Variants in DPY19L3 observed in about 807,000 individuals in gnomAD.
The protein encoded by DPY19L3 is dpy-19 like C-mannosyltransferase 3, also known as protein C-mannosyl-transferase DPY19L3.
Under a neutral mutation model 92.3 loss-of-function variants are expected in DPY19L3, and 51 were observed. That is an observed-to-expected ratio of 0.55 (90% CI 0.44 to 0.70). The LOEUF (loss-of-function observed/expected upper bound fraction) is 0.70, where lower values mean the gene tolerates loss of function less well. Among genes scored for constraint, DPY19L3 ranks in the 30% least tolerant of loss-of-function variants. The pLI, the probability that DPY19L3 is intolerant of heterozygous loss-of-function variation, is 0.00. For missense variants in DPY19L3, 706 were observed against 855.9 expected, an observed-to-expected ratio of 0.82 and a Z score of 2.18; for synonymous variants, 309 against 315.2, an observed-to-expected ratio of 0.98 and a Z score of 0.21.
chr19:32,441,050 G>A (rs1166679760), intron 8 of DPY19L3, among the ~76,000 whole-genome samples: 1 of 152,110 alleles, frequency 6.6e-6, no homozygotes, highest in Non-Finnish European at 1.5e-5. Context: ...CTCCTACACT[G>A]CTGGTAACCT....
chr19:32,469,749 C>G (rs993042359), intron 16 of DPY19L3, among the ~76,000 whole-genome samples: 1 of 152,152 alleles, frequency 6.6e-6, no homozygotes, highest in African/African-American at 2.4e-5. Flanking sequence ...CCTCAGCATT[C>G]AGCATCAGAA....
rs1970115841 is a variant in DPY19L3, at chr19:32,463,781, G to C, written c.1446-88G>C. 5.1e-6 allele frequency: 6 copies of C among 1,187,116 alleles called. No homozygotes were observed. In the South Asian group the frequency reaches 6.5e-5, roughly 13 times the overall value. 73.5% of individuals were successfully genotyped at this position (1,187,116 alleles called of 1,614,324 possible). ...TTTTAAGTAAGATTTTGCCGTCATA[G>C]ACTGTAAAGCTGCCTTTATAGGTGT... On this transcript the variant is annotated intron_variant, in intron 13 of 18. Transcript: ENST00000392250.
chr19:32,428,870 C>T (rs949927682), intron 3 of DPY19L3, among the ~76,000 whole-genome samples: 1 of 149,930 alleles, frequency 6.7e-6, no homozygotes, highest in African/African-American at 2.5e-5. Flanking sequence ...TGTTTTGAGA[C>T]GGAGTCTCAC....
chr19:32,468,498 G>A (rs770605238), intron 15 of DPY19L3: 120 of 1,177,600 alleles, frequency 1.0e-4, no homozygotes, highest in African/African-American at 4.0e-4. Context: ...TAAAGTTGGC[G>A]ATACCTCACA....
chr19:32,410,859 A>T (rs945328812), intron 2 of DPY19L3, among the ~76,000 whole-genome samples: 1 of 152,256 alleles, frequency 6.6e-6, no homozygotes, highest in Admixed American at 6.5e-5. Flanking sequence ...TTGTACCTAG[A>T]TTATCTAAAA....
chr19:32,466,266 G>A (rs1054183130), intron 15 of DPY19L3, among the ~76,000 whole-genome samples: 3 of 152,178 alleles, frequency 2.0e-5, no homozygotes, highest in African/African-American at 7.2e-5. Flanking sequence ...CAGCATCAGC[G>A]TCTCTTGGGA....
intron 6 of DPY19L3, among the ~76,000 whole-genome samples, chr19:32,438,591 A>T (rs551721538): frequency 2.2e-4 from 33 of 152,326 alleles, no homozygotes; most frequent in Admixed American, 1.6e-3. Context: ...ACATAAGTGT[A>T]TCATTTATTG....
In DPY19L3 at chr19:32,462,449, C is replaced by A. The variant is rs765942129; in HGVS notation, c.1323-917C>A. On this transcript the variant is annotated intron_variant, in intron 12 of 18. Transcript: ENST00000392250. The stretch of plus-strand genomic sequence containing the variant: ...CAGCAGTTTCCTCAATAACAAACCA[C>A]TGAAAGTGAATCCACCGATAAGAGG... 1.6e-4 allele frequency among the ~76,000 whole-genome samples: 25 copies of A among 152,272 alleles called. 2 individuals carry two copies. In the South Asian group the frequency reaches 3.5e-3, roughly 21 times the overall value.
intron 16 of DPY19L3, among the ~76,000 whole-genome samples, chr19:32,475,590 TC>T (rs1970482108): frequency 6.6e-6 from 1 of 152,268 alleles, no homozygotes; most frequent in South Asian, 2.1e-4. Flanking sequence ...CATACTTGTT[TC>T]CTTTAGCAAT....
rs776205562 is a variant in DPY19L3, at chr19:32,411,224, C to G, written c.104-15C>G. ...TTACTGACTTAGTTATTTATCTGTT[C>G]CATTTTTCCAAAAGGTTGTACCAGT... On this transcript the variant is annotated splice_polypyrimidine_tract_variant and intron_variant, in intron 2 of 18. Coordinates refer to ENST00000392250, the MANE Select transcript of DPY19L3 (RefSeq NM_001172774.2). 3 of 1,600,028 alleles carry G rather than the reference C, an allele frequency of 1.9e-6. No homozygotes were observed. In the East Asian group the frequency reaches 6.7e-5, roughly 36 times the overall value.
chr19:32,419,630 C>G (rs1023852956), intron 3 of DPY19L3, among the ~76,000 whole-genome samples: 1 of 151,882 alleles, frequency 6.6e-6, no homozygotes. Context: ...GACAGAGTCT[C>G]ACTTTGTTGT....
chr19:32,457,835 T>G lies in DPY19L3; in HGVS notation c.1090-265T>G, dbSNP rs574395152. On this transcript the variant is annotated intron_variant, in intron 10 of 18. Coordinates refer to ENST00000392250, the MANE Select transcript of DPY19L3 (RefSeq NM_001172774.2). ...CCCTGAAACCAAAAAATCTCATCTT[T>G]TACCTATTTTGCATATTTAACTTAT... is the stretch of plus-strand genomic sequence containing the variant. Among the ~76,000 whole-genome samples, 7 of 152,364 alleles carry G rather than the reference T, an allele frequency of 4.6e-5. No homozygotes were observed. The South Asian group carries it at 1.4e-3, about 32-fold the overall frequency.
At chr19:32,478,155 G>T (rs1005864692) in intron 17 of DPY19L3, among the ~76,000 whole-genome samples, 1 of 152,278 alleles carries the variant, frequency 6.6e-6, no homozygotes, top group African/African-American at 2.4e-5. Flanking sequence ...AGTGCACAGG[G>T]CTCGCATCTC....
At position 32,436,191 on chromosome 19, in the gene DPY19L3, T is replaced by TGTG. The variant is rs369703625; in HGVS notation, c.329-237_329-235dup. Among the ~76,000 whole-genome samples the TGTG allele has an allele frequency of 2.7e-3, 404 of 152,210 alleles. 4 individuals carry two copies. Among genetic ancestry groups the TGTG allele is most frequent in the African/African-American group, 9.2e-3 (380 of 41,530 alleles). ...TGCCCACATTTCTAGAGAAGGACCTTGTGGTGGTGGTGGTGGTGGTTTCAT... is the reference window on the plus strand; with the variant it reads ...TGCCCACATTTCTAGAGAAGGACCTTGTGGTGGTGGTGGTGGTGGTGGTTTCAT... On this transcript the variant is annotated intron_variant, in intron 4 of 18. Transcript: ENST00000392250.
chr19:32,442,199 A>G (rs1443114170), intron 8 of DPY19L3, among the ~76,000 whole-genome samples: 2 of 152,252 alleles, frequency 1.3e-5, no homozygotes, highest in African/African-American at 4.8e-5. Flanking sequence ...AGTACCTTCT[A>G]CAGTACATTT....
chr19:32,410,934 T>G (rs1026939842), intron 2 of DPY19L3, among the ~76,000 whole-genome samples: 1 of 152,242 alleles, frequency 6.6e-6, no homozygotes, highest in African/African-American at 2.4e-5. Context: ...ATAGTTAAAT[T>G]ACGGTTGTTA....
Position 32,453,262 on chromosome 19 carries a change from G to T in DPY19L3, c.973G>T (p.Ala325Ser). 6.2e-7 allele frequency: 1 copy of T among 1,605,938 alleles called. No homozygotes were observed. Among genetic ancestry groups the T allele is most frequent in the Middle Eastern group, 1.8e-4 (1 of 5,706 alleles). ...CAGTTTTAACCTTTCAGTATTCATT[G>T]CAAGAAAACTTCAGGTAGGACTTTT... is the stretch of plus-strand genomic sequence containing the variant. Reference protein sequence around the residue: ...LISFNLSVFIARKLQKNLKTG... With the variant: ...LISFNLSVFISRKLQKNLKTG... Residue 325 changes from alanine to serine, a missense_variant, in exon 9 of 19, where the codon GCA becomes TCA. Ala to Ser is a moderately conservative substitution (Grantham distance 99). Coordinates refer to ENST00000392250, the MANE Select transcript of DPY19L3 (RefSeq NM_001172774.2).
chr19:32,446,158 TGTCTATAC>T lies in DPY19L3; in HGVS notation c.855+6249_855+6256del, dbSNP rs575104011. Among the ~76,000 whole-genome samples, 45 of 152,308 alleles carry T rather than the reference TGTCTATAC, an allele frequency of 3.0e-4. No individual in the cohort carries two copies. The East Asian group carries it at 8.7e-3, about 29-fold the overall frequency. The stretch of plus-strand genomic sequence containing the variant: ...CTATGCCTCACTCAAACAGTTAAAA[TGTCTATAC>T]CACTAGTCCGTAATAAGTTATTAAT... On this transcript the variant is annotated intron_variant, in intron 8 of 18. Coordinates refer to ENST00000392250, the MANE Select transcript of DPY19L3 (RefSeq NM_001172774.2).
intron 3 of DPY19L3, among the ~76,000 whole-genome samples, chr19:32,430,312 C>A (rs1332858301): frequency 6.6e-6 from 1 of 152,012 alleles, no homozygotes; most frequent in Non-Finnish European, 1.5e-5. Context: ...GACCCTGACA[C>A]GCAAAGGCTA....
Sources: allele counts gnomAD v4.1 joint callset (sites outside exome capture counted in the v4.1 genomes callset), GRCh38; gene constraint gnomAD v4.1.1; transcripts MANE v1.5; gene names NCBI Gene and HGNC (gene_info 2026-07-23, HGNC 2026-07-21).